SCML2: variants seen among roughly 807,000 people sequenced by gnomAD.
The protein encoded by SCML2 is sex comb on midleg-like protein 2.
In SCML2, 6 loss-of-function variants were observed where a neutral mutation model predicts 48.4. The observed-to-expected ratio is 0.12, with a 90% CI of 0.07 to 0.24. The LOEUF (loss-of-function observed/expected upper bound fraction) is 0.24, where lower values mean the gene tolerates loss of function less well. SCML2 is among the 10% of genes least tolerant of loss of function. The pLI is 1.00. For missense variants in SCML2, 377 were observed against 528.2 expected, an observed-to-expected ratio of 0.71 and a Z score of 2.81; for synonymous variants, 181 against 189.5, an observed-to-expected ratio of 0.95 and a Z score of 0.37.
chrX:18,262,367 G>T (rs1927098696), intron 8 of SCML2, among the ~76,000 whole-genome samples: 1 of 86,710 alleles, frequency 1.2e-5, no homozygotes, highest in Non-Finnish European at 2.1e-5. Context: ...TTGAGATGGA[G>T]TCTCACTCTG....
chrX:18,276,299 G>GAA (rs369588545), intron 7 of SCML2, among the ~76,000 whole-genome samples: 118 of 58,358 alleles, frequency 2.0e-3, no homozygotes, highest in African/African-American at 5.5e-3. Flanking sequence ...GTCTCAAGAA[G>GAA]AAAAAAAAAA....
intron 1 of SCML2, among the ~76,000 whole-genome samples, chrX:18,351,699 G>A (rs897853757): frequency 8.4e-5 from 9 of 107,289 alleles, no homozygotes; most frequent in Non-Finnish European, 1.5e-4. Flanking sequence ...GACTAGAGGT[G>A]ACTAATAAGG....
intron 8 of SCML2, among the ~76,000 whole-genome samples, chrX:18,260,716 T>C (rs1399202759): frequency 4.5e-5 from 5 of 110,064 alleles, no homozygotes; most frequent in Non-Finnish European, 9.4e-5. Flanking sequence ...AGAGTTTATT[T>C]TCAGAAAGAA....
intron 6 of SCML2, among the ~76,000 whole-genome samples, chrX:18,308,259 CA>C (rs748211168): frequency 6.3e-4 from 22 of 34,884 alleles, no homozygotes; most frequent in Non-Finnish European, 9.2e-4. Context: ...GATGCTATCT[CA>C]AAAAAAAAAA....
chrX:18,288,899 T>G (rs1182140142), intron 7 of SCML2, among the ~76,000 whole-genome samples: 1 of 111,194 alleles, frequency 9.0e-6, no homozygotes, highest in Non-Finnish European at 1.9e-5. Context: ...TTTGTTGGTT[T>G]AAGGGGGGAG....
chrX:18,272,684 C>T (rs1927500172), intron 7 of SCML2, among the ~76,000 whole-genome samples: 1 of 112,003 alleles, frequency 8.9e-6, no homozygotes, highest in Non-Finnish European at 1.9e-5. Flanking sequence ...AGCAGCAACA[C>T]TCACATCACC....
intron 7 of SCML2, among the ~76,000 whole-genome samples, chrX:18,303,246 A>G (rs1243806737): frequency 1.8e-5 from 2 of 111,839 alleles, no homozygotes; most frequent in African/African-American, 3.3e-5. Context: ...GCCATACCAT[A>G]CTGCTAGGAG....
intron 3 of SCML2, among the ~76,000 whole-genome samples, 171 bp from the exon 4 acceptor site, chrX:18,325,148 G>T (rs1424951760): frequency 1.8e-5 from 2 of 108,848 alleles, no homozygotes; most frequent in Admixed American, 2.0e-4. Flanking sequence ...TTCATGACCA[G>T]CATAAAAATA....
At chrX:18,308,355 CAGGG>C (rs1196757187) in intron 6 of SCML2, among the ~76,000 whole-genome samples, 74 of 51,503 alleles carry the variant, frequency 1.4e-3, no homozygotes, top group Middle Eastern at 0.024. Flanking sequence ...GAGGAAAGGA[CAGGG>C]AGGGAGGGAG....
At chrX:18,251,021 G>C (rs749334234) in intron 11 of SCML2, among the ~76,000 whole-genome samples, 1 of 110,070 alleles carries the variant, frequency 9.1e-6, no homozygotes, top group African/African-American at 3.3e-5. Context: ...ACAGCATGAG[G>C]GTAACTGCCC....
chrX:18,287,931 C>T (rs1034704850), intron 7 of SCML2, among the ~76,000 whole-genome samples: 1 of 111,590 alleles, frequency 9.0e-6, no homozygotes, highest in Non-Finnish European at 1.9e-5. Flanking sequence ...TTTTATTTCA[C>T]AATTGCTACT....
chrX:18,309,544 G>A (rs1928878995), intron 6 of SCML2, among the ~76,000 whole-genome samples: 1 of 111,958 alleles, frequency 8.9e-6, no homozygotes, highest in South Asian at 3.7e-4. Flanking sequence ...TCCATCAATG[G>A]TGGGCTGCAT....
intron 1 of SCML2, among the ~76,000 whole-genome samples, chrX:18,352,577 A>G (rs192736595): frequency 7.1e-5 from 8 of 111,945 alleles, no homozygotes; most frequent in African/African-American, 2.3e-4. Context: ...TAACTCCCTG[A>G]AATTTTCAGG....
intron 7 of SCML2, among the ~76,000 whole-genome samples, chrX:18,294,558 A>G (rs1370072983): frequency 9.0e-6 from 1 of 110,990 alleles, no homozygotes; most frequent in Non-Finnish European, 1.9e-5. Context: ...ACTGTAGCAC[A>G]GCGCCATTCT....
chrX:18,320,625 G>A (rs1313221242), intron 5 of SCML2, among the ~76,000 whole-genome samples: 1 of 111,429 alleles, frequency 9.0e-6, no homozygotes, highest in Admixed American at 9.6e-5. Flanking sequence ...CAATGCTACA[G>A]TGGGGATAGA....
rs192731964 is a variant in SCML2 at position 18,290,049 on chromosome X, C to T, written c.730+14923G>A. On this transcript the variant is annotated intron_variant, in intron 7 of 14. Transcript: ENST00000251900. ...ACATCAAACGTTTAGATTTTTAAAA[C>T]CCACTCCCTTAAAGTTTTAATTAAG... Among the ~76,000 whole-genome samples the T allele has an allele frequency of 7.2e-5, 8 of 111,182 alleles. No homozygotes were observed. The East Asian group carries it at 2.2e-3, about 31-fold the overall frequency.
chrX:18,340,402 C>G (rs772590538), intron 1 of SCML2, among the ~76,000 whole-genome samples: 1 of 112,432 alleles, frequency 8.9e-6, no homozygotes, highest in African/African-American at 3.2e-5. Context: ...GAGTGAGACC[C>G]TGTCTCAAAA....
chrX:18,311,151 C>T (rs1338596471), intron 6 of SCML2, among the ~76,000 whole-genome samples: 2 of 112,017 alleles, frequency 1.8e-5, no homozygotes, highest in East Asian at 2.8e-4. Context: ...GAACTTCTAT[C>T]TCCTTATTTT....
chrX:18,348,586 T>C (rs917516234), intron 1 of SCML2, among the ~76,000 whole-genome samples: 4 of 112,084 alleles, frequency 3.6e-5, no homozygotes, highest in East Asian at 2.8e-4. Flanking sequence ...TATCTAAATA[T>C]ACTTACTATT....
Sources: gnomAD v4.1 joint callset for allele counts (sites outside exome capture counted in the v4.1 genomes callset) on GRCh38, gnomAD v4.1.1 for gene constraint, MANE v1.5 for transcripts, NCBI Gene and HGNC (gene_info 2026-07-23, HGNC 2026-07-21) for gene names.